Variants in TMEM209 observed in about 807,000 individuals in gnomAD.
TMEM209 encodes the protein testicular tissue protein Li 202.
A neutral mutation model predicts 76.2 loss-of-function variants in TMEM209; 65 were observed. The ratio of observed to expected loss-of-function variants is 0.85; its 90% CI spans 0.70 to 1.05. TMEM209 has a LOEUF of 1.05. Among genes scored for constraint, TMEM209 ranks in the 50% least tolerant of loss-of-function variants. The pLI, the probability that TMEM209 is intolerant of heterozygous loss-of-function variation, is 0.00. For missense variants in TMEM209, 623 were observed against 685.5 expected, an observed-to-expected ratio of 0.91 and a Z score of 1.02; for synonymous variants, 239 against 237.6, an observed-to-expected ratio of 1.01 and a Z score of -0.06.
chr7:130,175,669 A>G, intron 10 of TMEM209, 60 bp from the exon 11 acceptor site: 1 of 1,343,674 alleles, frequency 7.4e-7, no homozygotes, highest in Non-Finnish European at 1.0e-6. Flanking sequence ...AAAGAAAAAA[A>G]AAGCTAAGGG....
intron 14 of TMEM209, among the ~76,000 whole-genome samples, chr7:130,168,794 T>C (rs1796957182): frequency 6.6e-6 from 1 of 152,154 alleles, no homozygotes; most frequent in Non-Finnish European, 1.5e-5. Context: ...AATTAGAAAT[T>C]AGTTCTAGTT....
chr7:130,186,305 T>C (rs1440574335), intron 6 of TMEM209, among the ~76,000 whole-genome samples: 1 of 152,194 alleles, frequency 6.6e-6, no homozygotes, highest in Non-Finnish European at 1.5e-5. Context: ...TACAAAGAAT[T>C]AGGAATCATC....
chr7:130,172,907 G>A (rs1032809458), intron 13 of TMEM209, among the ~76,000 whole-genome samples: 1 of 148,332 alleles, frequency 6.7e-6, no homozygotes, highest in Non-Finnish European at 1.5e-5. Flanking sequence ...GCTGAGGCAG[G>A]AGAATTGCTG....
chr7:130,203,917 T>G (rs891168337), intron 2 of TMEM209, 57 bp downstream of exon 2: 20 of 1,601,580 alleles, frequency 1.2e-5, no homozygotes, highest in Non-Finnish European at 1.5e-5. Context: ...CACAAAAACC[T>G]GTGGAACCAG....
In TMEM209 at chr7:130,192,677, T is replaced by G; in HGVS notation, c.720A>C (p.Arg240=). Residue 240 remains arginine, a synonymous_variant, in exon 6 of 15, where the codon CGA becomes CGC. Coordinates refer to ENST00000397622, the MANE Select transcript of TMEM209 (RefSeq NM_032842.4). ...TDKEDYMTDL[R]TLDTFLRSEE... The stretch of plus-strand genomic sequence containing the variant: ...CACTTCTGAGAAAAGTATCCAAAGT[T>G]CGTAGGTCGGTCATGTAGTCTTCTT... The G allele has an allele frequency of 3.1e-6, 5 of 1,613,760 alleles. No homozygotes were observed. Among genetic ancestry groups the G allele is most frequent in the Non-Finnish European group, 3.4e-6 (4 of 1,179,734 alleles).
intron 13 of TMEM209, among the ~76,000 whole-genome samples, chr7:130,171,140 T>G (rs1797054709): frequency 6.6e-6 from 1 of 152,180 alleles, no homozygotes; most frequent in Non-Finnish European, 1.5e-5. Flanking sequence ...ATTCTGAGGT[T>G]GGTGCCCCTG....
chr7:130,183,623 T>C (rs1235295103), intron 8 of TMEM209, among the ~76,000 whole-genome samples: 1 of 152,172 alleles, frequency 6.6e-6, no homozygotes, highest in African/African-American at 2.4e-5. Flanking sequence ...GAAGTCCATA[T>C]GCCTAACAGA....
At position 130,187,852 on chromosome 7, in the gene TMEM209, G is replaced by A. The variant is rs989978363; in HGVS notation, c.776-2485C>T. 7.2e-5 allele frequency among the ~76,000 whole-genome samples: 11 copies of A among 152,146 alleles called. No individual in the cohort carries two copies. The East Asian group carries it at 1.4e-3, about 19-fold the overall frequency. Reference sequence around the variant, plus strand: ...TACAAAACAGCTAGGAAGAGACAAGGCTTCCATCCAGCCAAGATAAGCTTA... The same window carrying A: ...TACAAAACAGCTAGGAAGAGACAAGACTTCCATCCAGCCAAGATAAGCTTA... On this transcript the variant is annotated intron_variant, in intron 6 of 14. Coordinates refer to ENST00000397622, the MANE Select transcript of TMEM209 (RefSeq NM_032842.4).
rs1397634424 is a variant in TMEM209, at chr7:130,165,708, A to AAG, written c.*742_*743insCT. On this transcript the variant is annotated 3_prime_UTR_variant, in exon 15 of 15. Transcript: ENST00000397622. ...AATGCTGGGGAAACATTAAAAAAAA[A>AAG]AAAAAAAAAACTAAATCAGCAATTT... 6.6e-6 allele frequency: 1 copy of AAG among 151,622 alleles called. No homozygotes were observed. Among genetic ancestry groups the AAG allele is most frequent in the Non-Finnish European group, 1.5e-5 (1 of 67,910 alleles). 9.4% of individuals were successfully genotyped at this position (151,622 alleles called of 1,614,324 possible).
intron 13 of TMEM209, among the ~76,000 whole-genome samples, chr7:130,171,151 T>C (rs1302984086): frequency 6.6e-6 from 1 of 152,176 alleles, no homozygotes. Flanking sequence ...GGTGCCCCTG[T>C]ACACTACACA....
At position 130,192,939 on chromosome 7, in the gene TMEM209, C is replaced by T. The variant is rs531152813; in HGVS notation, c.574-116G>A. The T allele has an allele frequency of 1.4e-4, 124 of 914,574 alleles. 1 individual carries two copies. In the African/African-American group the frequency reaches 1.9e-3, roughly 14 times the overall value. The allele number at this position is 914,574 out of a possible 1,614,324, so 56.7% of individuals were successfully genotyped here. A position where few individuals can be genotyped will look rare whatever the true frequency, so the allele number is the denominator to read the frequency against. On this transcript the variant is annotated intron_variant, in intron 5 of 14. Transcript: ENST00000397622. ...TGGCGAAAATCCACAATACTGACAA[C>T]ATCAAACGCTGATGAGGTTGTGGAA...
intron 14 of TMEM209, among the ~76,000 whole-genome samples, chr7:130,168,353 G>T (rs1332718973): frequency 6.6e-6 from 1 of 152,102 alleles, no homozygotes; most frequent in African/African-American, 2.4e-5. Context: ...GCATTTGGGG[G>T]ATTTTTAGAT....
At chr7:130,173,024 T>G (rs964727486) in intron 13 of TMEM209, among the ~76,000 whole-genome samples, 2 of 147,910 alleles carry the variant, frequency 1.4e-5, no homozygotes, top group Non-Finnish European at 3.0e-5. Flanking sequence ...AAAAAGGAAT[T>G]TTTATGAAGA....
intron 1 of TMEM209, chr7:130,204,906 A>T: frequency 1.1e-5 from 11 of 1,038,998 alleles, no homozygotes; most frequent in Non-Finnish European, 1.2e-5. Context: ...GCTGTACTCC[A>T]GGGCTCTCCC....
At position 130,165,346 on chromosome 7, in the gene TMEM209, G is replaced by C. The variant is rs1796848797; in HGVS notation, c.*1105C>G. ...TGAGTCAAACAAAACATACAAACTT[G>C]GTAACTTCTCACCCTCCAGATATTT... On this transcript the variant is annotated 3_prime_UTR_variant, in exon 15 of 15. Transcript: ENST00000397622. 6.6e-6 allele frequency: 1 copy of C among 151,900 alleles called. No homozygotes were observed. The highest frequency in any genetic ancestry group is 1.5e-5 in the Non-Finnish European group (1 of 67,992). The allele number at this position is 151,900 out of a possible 1,614,324, so 9.4% of individuals were successfully genotyped here.
intron 9 of TMEM209, 79 bp downstream of exon 9, chr7:130,181,544 T>C (rs184699792): frequency 2.1e-5 from 26 of 1,240,456 alleles, no homozygotes; most frequent in Admixed American, 1.1e-4. Context: ...CAAAATAAGT[T>C]AAGCCGTCCA....
At chr7:130,183,971 C>T (rs934026217) in intron 8 of TMEM209, among the ~76,000 whole-genome samples, 1 of 152,016 alleles carries the variant, frequency 6.6e-6, no homozygotes, top group African/African-American at 2.4e-5. Context: ...CTTCTCAAAA[C>T]ATAACAATTC....
intron 5 of TMEM209, among the ~76,000 whole-genome samples, chr7:130,195,642 AAAG>A (rs1797945337): frequency 6.6e-6 from 1 of 152,060 alleles, no homozygotes; most frequent in African/African-American, 2.4e-5. Flanking sequence ...AAAAAAAAAA[AAAG>A]TTGTTAATTT....
chr7:130,168,841 A>G (rs530085903), intron 14 of TMEM209, among the ~76,000 whole-genome samples: 1 of 152,168 alleles, frequency 6.6e-6, no homozygotes. Flanking sequence ...TTATCTACTG[A>G]GTATGCATTA....
Sources: gnomAD v4.1 joint callset for allele counts (sites outside exome capture counted in the v4.1 genomes callset) on GRCh38, gnomAD v4.1.1 for gene constraint, MANE v1.5 for transcripts, NCBI Gene and HGNC (gene_info 2026-07-23, HGNC 2026-07-21) for gene names.